Variants in FNIP2 observed in about 807,000 individuals in gnomAD.
FNIP2 encodes the protein folliculin interacting protein 2.
FNIP2 carries 32 observed loss-of-function variants against 108.7 expected under a neutral mutation model. The ratio of observed to expected loss-of-function variants is 0.29; its 90% confidence interval spans 0.22 to 0.40. FNIP2 has a LOEUF of 0.40. Ranked by LOEUF, FNIP2 falls within the 10% of genes least tolerant of loss-of-function variation. The pLI is 1.00. For missense variants in FNIP2, 1,202 were observed against 1,381.6 expected (o/e 0.87, Z 2.06); for synonymous variants, 480 against 496.7 (o/e 0.97, Z 0.45).
intron 7 of FNIP2, among the ~76,000 whole-genome samples, chr4:158,850,649 A>G (rs1486106803): frequency 3.4e-5 from 5 of 148,014 alleles, no homozygotes; most frequent in Non-Finnish European, 5.9e-5. Flanking sequence ...GGGAAGGAGG[A>G]TAAGTATTGT....
intron 1 of FNIP2, among the ~76,000 whole-genome samples, chr4:158,820,285 A>G (rs1284284403): frequency 6.6e-6 from 1 of 152,216 alleles, no homozygotes; most frequent in Non-Finnish European, 1.5e-5. Context: ...TGCTTTTTCC[A>G]CATGGGGATA....
At chr4:158,824,486 C>T (rs377068788) in intron 1 of FNIP2, among the ~76,000 whole-genome samples, 24 of 152,148 alleles carry the variant, frequency 1.6e-4, no homozygotes, top group African/African-American at 5.6e-4. Context: ...ATTGGGAAAC[C>T]GGCTCAACTC....
intron 1 of FNIP2, among the ~76,000 whole-genome samples, chr4:158,813,391 G>A (rs551765989): frequency 6.6e-6 from 1 of 152,302 alleles, no homozygotes; most frequent in South Asian, 2.1e-4. Flanking sequence ...TAGGCATGTA[G>A]TAGTATCTCT....
In FNIP2 at chr4:158,904,775, C is replaced by T; in HGVS notation, c.*231C>T. Reference sequence around the variant, plus strand: ...GTGAACACTTTAGGCCATTTGTTACCCATGAATCAACAAAGAAACTGACCT... The same window carrying T: ...GTGAACACTTTAGGCCATTTGTTACTCATGAATCAACAAAGAAACTGACCT... On this transcript the variant is annotated 3_prime_UTR_variant, in exon 17 of 17. Coordinates refer to ENST00000264433, the MANE Select transcript of FNIP2 (RefSeq NM_020840.3). The T allele has an allele frequency of 2.0e-6, 1 of 495,354 alleles. No individual in the cohort carries two copies. The highest frequency in any genetic ancestry group is 3.6e-6 in the Non-Finnish European group (1 of 274,350). 30.7% of individuals were successfully genotyped at this position (495,354 alleles called of 1,614,324 possible).
At chr4:158,884,093 C>T (rs528990939) in intron 14 of FNIP2, among the ~76,000 whole-genome samples, 7 of 151,742 alleles carry the variant, frequency 4.6e-5, no homozygotes, top group Admixed American at 6.6e-5. Flanking sequence ...CCTCACTCTT[C>T]ATTGGGTTAA....
intron 1 of FNIP2, among the ~76,000 whole-genome samples, chr4:158,795,257 T>C (rs1312576276): frequency 6.6e-6 from 1 of 152,234 alleles, no homozygotes; most frequent in Non-Finnish European, 1.5e-5. Context: ...AACAGCTATT[T>C]GCAAGGCAGC....
intron 14 of FNIP2, chr4:158,872,517 A>C (rs780205399): frequency 1.7e-5 from 17 of 985,424 alleles, no homozygotes; most frequent in Non-Finnish European, 1.8e-5. Context: ...AATAACCTAT[A>C]TTGTGTCAAA....
chr4:158,809,560 A>G lies in FNIP2; in HGVS notation c.108-16356A>G, dbSNP rs181394624. Among the ~76,000 whole-genome samples the G allele has an allele frequency of 5.1e-4, 78 of 152,356 alleles. 1 individual carries two copies. The East Asian group carries it at 0.015, about 29-fold the overall frequency. ...TCTTTCTTAAAATATTGACTATAGC[A>G]AAGCTGCCAACAACTTTTGAGTTTT... is the stretch of plus-strand genomic sequence containing the variant. On this transcript the variant is annotated intron_variant, in intron 1 of 16. Coordinates refer to ENST00000264433, the MANE Select transcript of FNIP2 (RefSeq NM_020840.3).
At chr4:158,870,611 G>C in intron 14 of FNIP2, 142 bp downstream of exon 14, 1 of 1,035,994 alleles carries the variant, frequency 9.7e-7, no homozygotes. Flanking sequence ...AACCAGCTAG[G>C]GCTAGTGAGG....
At chr4:158,806,086 G>C (rs555494674) in intron 1 of FNIP2, 21 of 1,045,840 alleles carry the variant, frequency 2.0e-5, no homozygotes, top group Non-Finnish European at 7.0e-6. Context: ...GTACACTGCT[G>C]TCAAGTAGCT....
At chr4:158,815,150 T>C (rs1272354379) in intron 1 of FNIP2, among the ~76,000 whole-genome samples, 2 of 152,164 alleles carry the variant, frequency 1.3e-5, no homozygotes, top group African/African-American at 4.8e-5. Flanking sequence ...TTATCTCCAT[T>C]TTGCAGATGA....
chr4:158,820,464 T>A (rs539486678), intron 1 of FNIP2, among the ~76,000 whole-genome samples: 119 of 152,358 alleles, frequency 7.8e-4, no homozygotes, highest in Non-Finnish European at 1.5e-3. Flanking sequence ...TACAAGTCAC[T>A]ACTACCTCTG....
Position 158,904,377 on chromosome 4 carries a change from AAAT to A in FNIP2, c.3267-84_3267-82del, listed in dbSNP as rs1296183035. 103 of 1,201,792 alleles carry A rather than the reference AAAT, an allele frequency of 8.6e-5. 1 individual carries two copies. The highest frequency in any genetic ancestry group is 1.1e-4 in the Non-Finnish European group (92 of 825,946). The allele number at this position is 1,201,792 out of a possible 1,614,324, so 74.4% of individuals were successfully genotyped here. On this transcript the variant is annotated intron_variant, in intron 16 of 16. Coordinates refer to ENST00000264433, the MANE Select transcript of FNIP2 (RefSeq NM_020840.3). ...ATAATCTATCAAACTTAGTACCTAG[AAAT>A]AATACTTTCTCATAAAAAGAAATAA...
At chr4:158,846,306 G>A (rs1042542776) in intron 7 of FNIP2, among the ~76,000 whole-genome samples, 14 of 151,966 alleles carry the variant, frequency 9.2e-5, no homozygotes, top group Admixed American at 5.9e-4. Flanking sequence ...AATATACTCT[G>A]TTTTCTTTTC....
At chr4:158,823,383 A>G (rs545791759) in intron 1 of FNIP2, among the ~76,000 whole-genome samples, 33 of 152,296 alleles carry the variant, frequency 2.2e-4, no homozygotes, top group Admixed American at 1.0e-3. Context: ...CTCCTGCCTC[A>G]GCCTCCTGAG....
At chr4:158,897,063 A>G (rs775023157) in intron 16 of FNIP2, among the ~76,000 whole-genome samples, 6 of 150,776 alleles carry the variant, frequency 4.0e-5, no homozygotes, top group Admixed American at 6.6e-5. Flanking sequence ...TCATTGTTCA[A>G]CTCCCACGTA....
intron 10 of FNIP2, among the ~76,000 whole-genome samples, chr4:158,860,460 A>G (rs1405414387): frequency 3.3e-5 from 5 of 152,114 alleles, no homozygotes; most frequent in African/African-American, 1.2e-4. Context: ...CTCAAGTAAC[A>G]TGTTACTTAT....
intron 13 of FNIP2, among the ~76,000 whole-genome samples, chr4:158,869,902 G>C (rs550495624): frequency 6.6e-6 from 1 of 152,190 alleles, no homozygotes; most frequent in Non-Finnish European, 1.5e-5. Context: ...TTGATTATTT[G>C]GTCTGTAATG....
chr4:158,895,727 T>C (rs764028732), intron 15 of FNIP2, 23 bp from the exon 16 acceptor site: 2 of 1,463,804 alleles, frequency 1.4e-6, no homozygotes, highest in South Asian at 2.3e-5. Context: ...TAGCCCTCAT[T>C]GTGAATGTTC....
Sources: allele counts gnomAD v4.1 joint callset (sites outside exome capture counted in the v4.1 genomes callset), GRCh38; gene constraint gnomAD v4.1.1; transcripts MANE v1.5; gene names NCBI Gene and HGNC (gene_info 2026-07-23, HGNC 2026-07-21).